Variants in GPATCH2L observed in about 807,000 individuals in gnomAD.
The protein encoded by GPATCH2L is G-patch domain containing 2 like, also known as G patch domain-containing protein 2-like.
In GPATCH2L, 31 loss-of-function variants were observed where a neutral mutation model predicts 57.4. The observed-to-expected ratio is 0.54, with a 90% CI of 0.41 to 0.73. GPATCH2L has a LOEUF of 0.73. Ranked by LOEUF, GPATCH2L falls within the 30% of genes least tolerant of loss-of-function variation. The pLI is 0.00. For missense variants in GPATCH2L, 481 were observed against 599.9 expected (o/e 0.80, Z 2.07); for synonymous variants, 199 against 210.7 (o/e 0.94, Z 0.48).
intron 9 of GPATCH2L, among the ~76,000 whole-genome samples, chr14:76,196,806 G>C (rs1477206602): frequency 6.6e-6 from 1 of 152,096 alleles, no homozygotes; most frequent in African/African-American, 2.4e-5. Context: ...TGAATAGAGA[G>C]TAAACCTCAC....
intron 2 of GPATCH2L, among the ~76,000 whole-genome samples, chr14:76,231,349 G>T (rs1033174315): frequency 6.6e-6 from 1 of 152,132 alleles, no homozygotes; most frequent in Non-Finnish European, 1.5e-5. Context: ...CTGTCGCCCT[G>T]CTCAGGGCTT....
chr14:76,157,302 C>T (rs927885139), intron 2 of GPATCH2L, among the ~76,000 whole-genome samples: 1 of 152,174 alleles, frequency 6.6e-6, no homozygotes, highest in Non-Finnish European at 1.5e-5. Context: ...TGTTCAGCCT[C>T]TCTTCAAGAG....
chr14:76,155,553 C>G (rs887121037), intron 2 of GPATCH2L, among the ~76,000 whole-genome samples: 1 of 152,136 alleles, frequency 6.6e-6, no homozygotes, highest in African/African-American at 2.4e-5. Context: ...GGCTGACATT[C>G]AAATTGTCTG....
intron 8 of GPATCH2L, 39 bp downstream of exon 8, chr14:76,180,888 A>C (rs748521565): frequency 8.3e-7 from 1 of 1,207,618 alleles, no homozygotes; most frequent in Non-Finnish European, 1.2e-6. Context: ...CTTCTGGACA[A>C]TACTATATTC....
At chr14:76,188,291 C>G (rs1006440526) in intron 8 of GPATCH2L, among the ~76,000 whole-genome samples, 2 of 152,052 alleles carry the variant, frequency 1.3e-5, no homozygotes, top group African/African-American at 4.8e-5. Context: ...TGAGGAACCT[C>G]CAAACTATTC....
intron 2 of GPATCH2L, among the ~76,000 whole-genome samples, chr14:76,162,325 G>A (rs1481408499): frequency 6.6e-6 from 1 of 152,144 alleles, no homozygotes; most frequent in African/African-American, 2.4e-5. Flanking sequence ...GCATCTGTAG[G>A]ACATGGTAGT....
chr14:76,230,768 C>T (rs1347357118), intron 2 of GPATCH2L, among the ~76,000 whole-genome samples: 1 of 152,198 alleles, frequency 6.6e-6, no homozygotes, highest in Admixed American at 6.5e-5. Flanking sequence ...TCGAAGTAAT[C>T]AACTTTAATT....
At chr14:76,228,572 A>G (rs1302407267) in intron 1 of GPATCH2L, among the ~76,000 whole-genome samples, 1 of 152,200 alleles carries the variant, frequency 6.6e-6, no homozygotes, top group Non-Finnish European at 1.5e-5. Flanking sequence ...CAGCTGACTT[A>G]GTAGGCTCTT....
intron 7 of GPATCH2L, 75 bp from the exon 8 acceptor site, chr14:76,180,689 C>A (rs746941684): frequency 3.2e-6 from 3 of 926,876 alleles, no homozygotes; most frequent in East Asian, 2.4e-5. Context: ...GAAAAGTAAT[C>A]AAATGTAGGT....
At chr14:76,197,297 C>T (rs1042910984) in intron 9 of GPATCH2L, among the ~76,000 whole-genome samples, 1 of 152,158 alleles carries the variant, frequency 6.6e-6, no homozygotes, top group Non-Finnish European at 1.5e-5. Flanking sequence ...GAAAACCACC[C>T]CTCTTTCATC....
chr14:76,200,032 T>C (rs2040269872), intron 9 of GPATCH2L, among the ~76,000 whole-genome samples: 1 of 152,204 alleles, frequency 6.6e-6, no homozygotes. Flanking sequence ...TGCTACAAAT[T>C]GGATGAAGAC....
In GPATCH2L at chr14:76,206,514, T is replaced by A. The variant is rs2040377556; in HGVS notation, c.*4663T>A. ...ATTGCCAGATTTAGGGAATAAAAAA[T>A]TTTTAAAGTACAGTGTTGAAGAATG... On this transcript the variant is annotated 3_prime_UTR_variant, in exon 10 of 10. Coordinates refer to ENST00000261530, the MANE Select transcript of GPATCH2L (RefSeq NM_017926.4). 2 of 152,156 alleles carry A rather than the reference T, an allele frequency of 1.3e-5. No individual in the cohort carries two copies. The highest frequency in any genetic ancestry group is 1.3e-4 in the Admixed American group (2 of 15,282). 9.4% of individuals were successfully genotyped at this position (152,156 alleles called of 1,614,324 possible). A position where few individuals can be genotyped will look rare whatever the true frequency, so the allele number is the denominator to read the frequency against.
In GPATCH2L at chr14:76,154,165, T is replaced by G; in HGVS notation, c.-10-189T>G. On this transcript the variant is annotated intron_variant, in intron 1 of 9. Coordinates refer to ENST00000261530, the MANE Select transcript of GPATCH2L (RefSeq NM_017926.4). This position sits in a 1 kb window ranked among gnomAD's most constrained non-coding sequence, Gnocchi z 4.4. The stretch of plus-strand genomic sequence containing the variant: ...GACAAAACATCTATTTTTAGTGACT[T>G]AAGGAAGTGGTAGGAACAGAATCTA... 1.9e-6 allele frequency: 1 copy of G among 519,852 alleles called. No homozygotes were observed. Among genetic ancestry groups the G allele is most frequent in the East Asian group, 3.1e-5 (1 of 32,434 alleles). 32.2% of individuals were successfully genotyped at this position (519,852 alleles called of 1,614,324 possible). A position where few individuals can be genotyped will look rare whatever the true frequency, so the allele number is the denominator to read the frequency against.
At position 76,211,444 on chromosome 14, in the gene GPATCH2L, C is replaced by T. The variant is rs1328100230; in HGVS notation, c.*9593C>T. On this transcript the variant is annotated 3_prime_UTR_variant, in exon 10 of 10. Transcript: ENST00000261530. ...GGTAGGAGCTACTGACATGTTAAAA[C>T]TAGGTTAAACTGAATTGGAAGTAAT... is the stretch of plus-strand genomic sequence containing the variant. The T allele has an allele frequency of 6.6e-6, 1 of 152,184 alleles. No homozygotes were observed. Among genetic ancestry groups the T allele is most frequent in the Non-Finnish European group, 1.5e-5 (1 of 68,036 alleles). The allele number at this position is 152,184 out of a possible 1,614,324, so 9.4% of individuals were successfully genotyped here. A position where few individuals can be genotyped will look rare whatever the true frequency, so the allele number is the denominator to read the frequency against.
chr14:76,152,904 T>C (rs1024480025), intron 1 of GPATCH2L: 2 of 375,414 alleles, frequency 5.3e-6, no homozygotes, highest in African/African-American at 4.3e-5. Context: ...TAGGGACAGT[T>C]GTCTCCCAAA....
In GPATCH2L at chr14:76,212,902, C is replaced by T. The variant is rs2040457617; in HGVS notation, c.*11051C>T. On this transcript the variant is annotated 3_prime_UTR_variant, in exon 10 of 10. Coordinates refer to ENST00000261530, the MANE Select transcript of GPATCH2L (RefSeq NM_017926.4). The stretch of plus-strand genomic sequence containing the variant: ...CAATCCAAAATGTTTTTAAGCTCTT[C>T]AACTATTCTTGGGTTGATTAGGAAA... 6.6e-6 allele frequency: 1 copy of T among 151,998 alleles called. No homozygotes were observed. 9.4% of individuals were successfully genotyped at this position (151,998 alleles called of 1,614,324 possible).
At chr14:76,224,998 A>T (rs184275400) in intron 1 of GPATCH2L, among the ~76,000 whole-genome samples, 49 of 152,328 alleles carry the variant, frequency 3.2e-4, no homozygotes, top group Non-Finnish European at 4.4e-5. Flanking sequence ...AAATGGAGAG[A>T]TCTGCTGTAT....
intron 8 of GPATCH2L, among the ~76,000 whole-genome samples, chr14:76,191,043 GTTCTGA>G (rs1454709181): frequency 2.6e-5 from 4 of 152,084 alleles, no homozygotes; most frequent in Non-Finnish European, 4.4e-5. Context: ...TTGAAAAAGA[GTTCTGA>G]AATATCTCGT....
intron 2 of GPATCH2L, 98 bp downstream of exon 2, chr14:76,155,123 C>A: frequency 3.2e-6 from 3 of 935,862 alleles, no homozygotes; most frequent in Non-Finnish European, 4.7e-6. Flanking sequence ...TCAAACCAGC[C>A]ACTCTAGTAT....
Sources: gnomAD v4.1 joint callset for allele counts (sites outside exome capture counted in the v4.1 genomes callset) on GRCh38, gnomAD v4.1.1 for gene constraint, Gnocchi (gnomAD v3.1) non-coding constraint, MANE v1.5 for transcripts, NCBI Gene and HGNC (gene_info 2026-07-23, HGNC 2026-07-21) for gene names.